The following FAT3 variants were observed in gnomAD, a reference collection of about 807,000 sequenced individuals.
The protein encoded by FAT3 is FAT atypical cadherin 3.
Under a neutral mutation model 310.2 loss-of-function variants are expected in FAT3, and 95 were observed. The ratio of observed to expected loss-of-function variants is 0.31; its 90% confidence interval spans 0.26 to 0.36. FAT3 has a LOEUF of 0.36. Ranked by LOEUF, FAT3 falls within the 10% of genes least tolerant of loss-of-function variation. The pLI, the probability that FAT3 is intolerant of heterozygous loss-of-function variation, is 1.00. For missense variants in FAT3, 5,408 were observed against 5,715.6 expected (o/e 0.95, Z 1.74); for synonymous variants, 2,314 against 2,192.9 (o/e 1.06, Z -1.54).
intron 4 of FAT3, among the ~76,000 whole-genome samples, chr11:92,731,703 A>G (rs181557824): frequency 0.016 from 703 of 42,776 alleles, 4 homozygotes; most frequent in African/African-American, 0.065. Flanking sequence ...TTCTCTTGGG[A>G]AAAAAAAAAG....
At chr11:92,850,629 C>T (rs777543939) in intron 19 of FAT3, among the ~76,000 whole-genome samples, 10 of 152,134 alleles carry the variant, frequency 6.6e-5, no homozygotes, top group Admixed American at 3.3e-4. Flanking sequence ...GGGTAAAGCA[C>T]GTGAATTCAG....
chr11:92,476,906 A>G (rs751605085), intron 2 of FAT3, among the ~76,000 whole-genome samples: 4 of 152,182 alleles, frequency 2.6e-5, no homozygotes, highest in Non-Finnish European at 5.9e-5. Flanking sequence ...CTACTTGCAT[A>G]TTTGTTCTTC....
intron 2 of FAT3, among the ~76,000 whole-genome samples, chr11:92,476,236 C>G (rs1952049792): frequency 1.3e-5 from 2 of 152,124 alleles, no homozygotes; most frequent in Admixed American, 1.3e-4. Context: ...TTGGCTAGAT[C>G]ACCATCTTTT....
chr11:92,829,331 C>A (rs919150164), intron 13 of FAT3, among the ~76,000 whole-genome samples: 8 of 152,186 alleles, frequency 5.3e-5, no homozygotes, highest in Non-Finnish European at 1.2e-4. Context: ...GAGCAGCGTA[C>A]CATATGCTGG....
chr11:92,758,346 A>T (rs138166549), intron 4 of FAT3, among the ~76,000 whole-genome samples: 60 of 152,344 alleles, frequency 3.9e-4, no homozygotes, highest in African/African-American at 1.4e-3. Context: ...GGGCACCTAC[A>T]TAGGTCTGCA....
chr11:92,647,739 T>A (rs934352760), intron 3 of FAT3, among the ~76,000 whole-genome samples: 2 of 152,138 alleles, frequency 1.3e-5, no homozygotes, highest in African/African-American at 4.8e-5. Context: ...TGGAATTTCC[T>A]CAATCATGTT....
At chr11:92,693,556 T>G (rs1466192829) in intron 3 of FAT3, among the ~76,000 whole-genome samples, 2 of 152,222 alleles carry the variant, frequency 1.3e-5, no homozygotes, top group South Asian at 4.1e-4. Flanking sequence ...AAAGTTATTA[T>G]AAATGAAGAG....
At chr11:92,282,326 T>C (rs987740724) in intron 1 of FAT3, among the ~76,000 whole-genome samples, 8 of 152,170 alleles carry the variant, frequency 5.3e-5, no homozygotes, top group African/African-American at 1.7e-4. Flanking sequence ...TATTCCCTTA[T>C]GAGACTTTAA....
chr11:92,406,505 A>G (rs1177738442), intron 2 of FAT3: 2 of 152,206 alleles, frequency 1.3e-5, no homozygotes, highest in Non-Finnish European at 2.9e-5. Flanking sequence ...CCTTTCTTAA[A>G]TAAATGCCTT....
At chr11:92,480,206 C>T (rs373268585) in intron 2 of FAT3, among the ~76,000 whole-genome samples, 6 of 152,058 alleles carry the variant, frequency 3.9e-5, no homozygotes, top group East Asian at 3.9e-4. Context: ...CAGAGCTTAC[C>T]GCGAGCCGAG....
At chr11:92,330,649 T>C (rs1173882012) in intron 1 of FAT3, among the ~76,000 whole-genome samples, 1 of 152,030 alleles carries the variant, frequency 6.6e-6, no homozygotes. Flanking sequence ...GGGTTTTGAG[T>C]TTTTAATAAA....
intron 2 of FAT3, among the ~76,000 whole-genome samples, chr11:92,494,306 A>G: frequency 6.6e-6 from 1 of 152,006 alleles, no homozygotes; most frequent in Admixed American, 6.6e-5. Context: ...GCCAAACCGT[A>G]TCATGTGGCT....
chr11:92,494,838 A>G (rs1952709065), intron 2 of FAT3, among the ~76,000 whole-genome samples: 2 of 152,070 alleles, frequency 1.3e-5, no homozygotes, highest in Non-Finnish European at 2.9e-5. Flanking sequence ...GGCTCCCAAT[A>G]TTGACCATCA....
At chr11:92,657,895 C>T (rs528590291) in intron 3 of FAT3, among the ~76,000 whole-genome samples, 30 of 152,124 alleles carry the variant, frequency 2.0e-4, no homozygotes, top group African/African-American at 6.7e-4. Context: ...TGAAATTTCA[C>T]GTCCAATTCT....
intron 2 of FAT3, among the ~76,000 whole-genome samples, chr11:92,363,832 T>TTCCCTGAGGAGTCCTGAACAC (rs1163840097): frequency 6.6e-6 from 1 of 152,200 alleles, no homozygotes; most frequent in East Asian, 1.9e-4. Flanking sequence ...AAAATAATGT[T>TTCCCTGAGGAGTCCTGAACAC]TCCCTGAGGA....
intron 3 of FAT3, among the ~76,000 whole-genome samples, chr11:92,660,152 A>G (rs1398532546): frequency 6.6e-6 from 1 of 151,986 alleles, no homozygotes; most frequent in Non-Finnish European, 1.5e-5. Context: ...CAATCCAAAT[A>G]ACTCATTGAA....
chr11:92,637,096 G>A (rs1383762910), intron 3 of FAT3, among the ~76,000 whole-genome samples: 1 of 152,122 alleles, frequency 6.6e-6, no homozygotes, highest in Non-Finnish European at 1.5e-5. Context: ...CATTAGGCTG[G>A]GAGAGTCAGT....
chr11:92,405,371 C>T lies in FAT3; in HGVS notation c.3292+49967C>T, dbSNP rs114939064. Among the ~76,000 whole-genome samples the T allele has an allele frequency of 2.0e-3, 307 of 152,212 alleles. 4 individuals carry two copies. Among genetic ancestry groups the T allele is most frequent in the African/African-American group, 6.6e-3 (275 of 41,530 alleles). ...CATTGTGGCACAACCTTTCTCAAGC[C>T]CTTCTCCAAAGAGGTTTATTATTCA... On this transcript the variant is annotated intron_variant, in intron 2 of 27. Coordinates refer to ENST00000525166, the MANE Select transcript of FAT3 (RefSeq NM_001367949.2).
chr11:92,335,532 C>CAGG (rs1261085166), intron 1 of FAT3, among the ~76,000 whole-genome samples: 9 of 152,142 alleles, frequency 5.9e-5, no homozygotes, highest in Non-Finnish European at 1.3e-4. Flanking sequence ...TGTTCTGCAC[C>CAGG]TTATATAAAA....
Sources: allele counts gnomAD v4.1 joint callset (sites outside exome capture counted in the v4.1 genomes callset), GRCh38; gene constraint gnomAD v4.1.1; transcripts MANE v1.5; gene names NCBI Gene and HGNC (gene_info 2026-07-23, HGNC 2026-07-21).